Variants in PHF14 observed in about 807,000 individuals in gnomAD.
PHF14 encodes the protein PHD finger protein 14.
In PHF14, 55 loss-of-function variants were observed where a neutral mutation model predicts 117.9. The ratio of observed to expected loss-of-function variants is 0.47; its 90% CI spans 0.38 to 0.58. The LOEUF (loss-of-function observed/expected upper bound fraction) is 0.58, where lower values mean the gene tolerates loss of function less well. Ranked by LOEUF, PHF14 falls within the 20% of genes least tolerant of loss-of-function variation. PHF14 has a pLI of 0.00. For missense variants in PHF14, 978 were observed against 1,122.2 expected (o/e 0.87, Z 1.84); for synonymous variants, 409 against 368.6 (o/e 1.11, Z -1.26).
chr7:10,997,920 A>T (rs1334374642), intron 4 of PHF14, among the ~76,000 whole-genome samples: 1 of 152,208 alleles, frequency 6.6e-6, no homozygotes, highest in African/African-American at 2.4e-5. Context: ...AACCCTAGTC[A>T]GATGTAGGTG....
chr7:11,168,434 T>C (rs941723628), intron 17 of PHF14, among the ~76,000 whole-genome samples: 1 of 152,230 alleles, frequency 6.6e-6, no homozygotes, highest in Non-Finnish European at 1.5e-5. Flanking sequence ...CTTGGTTTGC[T>C]TTTACTTTAT....
Position 10,974,244 on chromosome 7 carries a change from C to T in PHF14, c.-80C>T, listed in dbSNP as rs1422191378. ...TCTTTCGGACTTGTCTTCGCGGCCCCAGTCCCCGACCTCGGCGCTGCCTGG... is the reference window on the plus strand; with the variant it reads ...TCTTTCGGACTTGTCTTCGCGGCCCTAGTCCCCGACCTCGGCGCTGCCTGG... On this transcript the variant is annotated 5_prime_UTR_variant, in exon 1 of 18. Coordinates refer to ENST00000634607, the MANE Select transcript of PHF14 (RefSeq NM_001007157.2). 1.6e-6 allele frequency: 2 copies of T among 1,250,968 alleles called. No homozygotes were observed. Among genetic ancestry groups the T allele is most frequent in the African/African-American group, 1.5e-5 (1 of 67,338 alleles). 77.5% of individuals were successfully genotyped at this position (1,250,968 alleles called of 1,614,324 possible).
At chr7:11,057,912 G>T (rs899198691) in intron 14 of PHF14, among the ~76,000 whole-genome samples, 2 of 152,132 alleles carry the variant, frequency 1.3e-5, no homozygotes, top group Non-Finnish European at 2.9e-5. Context: ...AATGTGTCAA[G>T]ATTTGGAATG....
intron 17 of PHF14, among the ~76,000 whole-genome samples, chr7:11,117,798 A>G (rs1787642902): frequency 6.6e-6 from 1 of 151,788 alleles, no homozygotes. Context: ...CATTGAGAAG[A>G]TTTATGAAAA....
At chr7:11,029,809 A>G (rs1437751401) in intron 7 of PHF14, among the ~76,000 whole-genome samples, 1 of 152,110 alleles carries the variant, frequency 6.6e-6, no homozygotes, top group Admixed American at 6.6e-5. Flanking sequence ...TTTTTATTGC[A>G]CATTCATGAT....
At chr7:11,086,798 G>A (rs1583452584) in intron 16 of PHF14, among the ~76,000 whole-genome samples, 1 of 152,020 alleles carries the variant, frequency 6.6e-6, no homozygotes, top group East Asian at 1.9e-4. Flanking sequence ...AATATAATTT[G>A]TATAGTAATT....
intron 13 of PHF14, among the ~76,000 whole-genome samples, chr7:11,047,869 G>A (rs1483475285): frequency 7.8e-6 from 1 of 127,924 alleles, no homozygotes; most frequent in African/African-American, 2.9e-5. Flanking sequence ...GCGGGAAAAA[G>A]AGAGGAAGGA....
At chr7:11,105,718 T>G (rs1787237040) in intron 16 of PHF14, 1 of 984,562 alleles carries the variant, frequency 1.0e-6, no homozygotes, top group Non-Finnish European at 1.2e-6. Flanking sequence ...AGTGGAAGCC[T>G]CTTTCCCATA....
chr7:11,015,395 T>A (rs189338915), intron 5 of PHF14, among the ~76,000 whole-genome samples: 4 of 152,266 alleles, frequency 2.6e-5, no homozygotes, highest in South Asian at 2.1e-4. Context: ...TTCCTTATTG[T>A]CTATCCAAAA....
At chr7:11,144,067 G>A (rs568968281) in intron 17 of PHF14, among the ~76,000 whole-genome samples, 1 of 152,090 alleles carries the variant, frequency 6.6e-6, no homozygotes, top group East Asian at 1.9e-4. Flanking sequence ...AAGGATCTGA[G>A]TAGAAATTTC....
intron 4 of PHF14, among the ~76,000 whole-genome samples, chr7:10,993,092 C>CT (rs1457098606): frequency 6.6e-6 from 1 of 152,078 alleles, no homozygotes; most frequent in Non-Finnish European, 1.5e-5. Context: ...ATTACTATTA[C>CT]TTTTTTTCTC....
intron 17 of PHF14, among the ~76,000 whole-genome samples, chr7:11,163,218 C>T (rs548137121): frequency 1.4e-4 from 21 of 152,096 alleles, no homozygotes; most frequent in Non-Finnish European, 2.8e-4. Context: ...TAAGAACATC[C>T]CAAGTGACTT....
intron 12 of PHF14, among the ~76,000 whole-genome samples, chr7:11,041,619 A>G (rs1472580918): frequency 6.6e-6 from 1 of 151,950 alleles, no homozygotes; most frequent in Non-Finnish European, 1.5e-5. Flanking sequence ...AAGTAATAGC[A>G]AATAACTTCC....
chr7:11,007,188 C>T (rs936490096), intron 4 of PHF14, among the ~76,000 whole-genome samples: 7 of 151,356 alleles, frequency 4.6e-5, no homozygotes, highest in Non-Finnish European at 8.8e-5. Flanking sequence ...AGCGAAACTC[C>T]GTCTCACAAA....
chr7:11,030,356 C>T (rs542515151), intron 7 of PHF14, among the ~76,000 whole-genome samples: 4 of 152,026 alleles, frequency 2.6e-5, no homozygotes, highest in South Asian at 4.2e-4. Context: ...TTGAGCTTTG[C>T]GGTTAGTAGG....
intron 14 of PHF14, among the ~76,000 whole-genome samples, chr7:11,052,246 T>C (rs1177858256): frequency 6.6e-6 from 1 of 152,246 alleles, no homozygotes; most frequent in Non-Finnish European, 1.5e-5. Flanking sequence ...CAAATGTTTT[T>C]CTCTGGTAAT....
At chr7:11,052,716 G>T (rs1784885487) in intron 14 of PHF14, among the ~76,000 whole-genome samples, 1 of 152,080 alleles carries the variant, frequency 6.6e-6, no homozygotes, top group Admixed American at 6.6e-5. Flanking sequence ...TAATGATTTT[G>T]TTCATCTATT....
At chr7:11,137,204 AT>A (rs1788246386) in intron 17 of PHF14, among the ~76,000 whole-genome samples, 1 of 152,222 alleles carries the variant, frequency 6.6e-6, no homozygotes, top group Non-Finnish European at 1.5e-5. Flanking sequence ...TATATACAAA[AT>A]TAATGCCACA....
rs188488669 is a variant in PHF14 at position 11,163,515 on chromosome 7, T to G, written c.2773-5901T>G. 4.6e-4 allele frequency among the ~76,000 whole-genome samples: 70 copies of G among 152,244 alleles called. No individual in the cohort carries two copies. In the East Asian group the frequency reaches 0.013, roughly 29 times the overall value. On this transcript the variant is annotated intron_variant, in intron 17 of 17. Transcript: ENST00000634607. ...AACTGAATGCAGAAGTATAGAAAAA[T>G]AAAAGGCCAAAGGTTGTTAAATGTA...
Sources: allele counts gnomAD v4.1 joint callset (sites outside exome capture counted in the v4.1 genomes callset), GRCh38; gene constraint gnomAD v4.1.1; transcripts MANE v1.5; gene names NCBI Gene and HGNC (gene_info 2026-07-23, HGNC 2026-07-21).